USP48: variants seen among roughly 807,000 people sequenced by gnomAD.
The protein encoded by USP48 is ubiquitin specific peptidase 48, also known as ubiquitin carboxyl-terminal hydrolase 48.
Under a neutral mutation model 150.7 loss-of-function variants are expected in USP48, and 43 were observed. The observed-to-expected ratio is 0.29, with a 90% CI of 0.22 to 0.37. USP48 has a LOEUF of 0.37. Ranked by LOEUF, USP48 falls within the 10% of genes least tolerant of loss-of-function variation. The pLI is 1.00. For synonymous variants in USP48, 396 were observed against 425.9 expected (o/e 0.93, Z 0.86); for missense variants, 813 against 1,249.6 (o/e 0.65, Z 5.27).
At chr1:21,701,870 T>C (rs1265416889) in intron 21 of USP48, among the ~76,000 whole-genome samples, 2 of 152,338 alleles carry the variant, frequency 1.3e-5, no homozygotes, top group Middle Eastern at 3.4e-3. Flanking sequence ...CAGTTATTAT[T>C]ATCAGTCTTG....
At chr1:21,693,359 G>A (rs1462880954) in intron 23 of USP48, among the ~76,000 whole-genome samples, 1 of 152,164 alleles carries the variant, frequency 6.6e-6, no homozygotes, top group Non-Finnish European at 1.5e-5. Flanking sequence ...AGGCAAATAG[G>A]CTCACATCTA....
At chr1:21,746,949 C>A in intron 8 of USP48, 118 bp downstream of exon 8, 1 of 722,702 alleles carries the variant, frequency 1.4e-6, no homozygotes, top group African/African-American at 1.8e-5. Context: ...CAGAGGTTCC[C>A]AGAGAGAGAT....
At chr1:21,722,542 G>GAA (rs772860252) in intron 12 of USP48, among the ~76,000 whole-genome samples, 30 of 107,262 alleles carry the variant, frequency 2.8e-4, no homozygotes, top group Admixed American at 3.0e-4. Flanking sequence ...CTGTCTCAGA[G>GAA]AAAAAAAAAA....
intron 1 of USP48, among the ~76,000 whole-genome samples, chr1:21,768,003 C>T (rs919322525): frequency 6.6e-6 from 1 of 152,012 alleles, no homozygotes; most frequent in Non-Finnish European, 1.5e-5. Flanking sequence ...GTCAGGAGAT[C>T]GAGACCATCC....
intron 12 of USP48, among the ~76,000 whole-genome samples, chr1:21,722,553 A>C (rs1571860127): frequency 6.6e-6 from 1 of 151,752 alleles, no homozygotes; most frequent in Non-Finnish European, 1.5e-5. Flanking sequence ...AAAAAAAAAA[A>C]AAAAACAGGG....
At chr1:21,701,786 T>C (rs2097657766) in intron 21 of USP48, among the ~76,000 whole-genome samples, 184 bp from the exon 22 acceptor site, 1 of 152,222 alleles carries the variant, frequency 6.6e-6, no homozygotes, top group Non-Finnish European at 1.5e-5. Context: ...TTTTAACATG[T>C]TAGTTTTTTA....
intron 9 of USP48, among the ~76,000 whole-genome samples, chr1:21,733,726 T>A (rs553107695): frequency 6.6e-6 from 1 of 152,050 alleles, no homozygotes; most frequent in Admixed American, 6.6e-5. Flanking sequence ...AGATAGATTT[T>A]AAAAAAACCC....
chr1:21,682,770 G>A (rs1369204785), intron 25 of USP48, among the ~76,000 whole-genome samples: 1 of 151,904 alleles, frequency 6.6e-6, no homozygotes, highest in Non-Finnish European at 1.5e-5. Context: ...AGCTACTTGG[G>A]AGGCTGAGGC....
Position 21,706,819 on chromosome 1 carries a change from A to C in USP48, c.2013T>G (p.Ala671=). 1 of 1,613,940 alleles carries C rather than the reference A, an allele frequency of 6.2e-7. No homozygotes were observed. Among genetic ancestry groups the C allele is most frequent in the South Asian group, 1.1e-5 (1 of 91,050 alleles). ...GAAAGTACTGCTGCAGTTTGCTCCA[A>C]GCCTCTTTAGAAACAAGCCTTCTTT... The part of the protein sequence containing the change: ...ENERRLVSKE[A]WSKLQQYFPK... Residue 671 remains alanine (A), a synonymous_variant, in exon 16 of 27, where the codon GCT becomes GCG. Coordinates refer to ENST00000308271, the MANE Select transcript of USP48 (RefSeq NM_032236.8).
chr1:21,748,116 A>G (rs2097799961), intron 7 of USP48, 22 bp downstream of exon 7: 2 of 1,607,140 alleles, frequency 1.2e-6, no homozygotes, highest in Admixed American at 3.4e-5. Flanking sequence ...AACAACAAAC[A>G]CTAATATTTG....
At chr1:21,708,670 T>C (rs1422454108) in intron 15 of USP48, among the ~76,000 whole-genome samples, 1 of 151,472 alleles carries the variant, frequency 6.6e-6, no homozygotes, top group East Asian at 1.9e-4. Flanking sequence ...GATCACAAGG[T>C]CAGGAGTTCA....
At chr1:21,695,427 C>T (rs1048395217) in intron 22 of USP48, among the ~76,000 whole-genome samples, 2 of 152,182 alleles carry the variant, frequency 1.3e-5, no homozygotes, top group African/African-American at 4.8e-5. Flanking sequence ...GTAATACACA[C>T]CTCTAAGTGC....
chr1:21,753,027 C>T lies in USP48; in HGVS notation c.505G>A (p.Val169Ile), dbSNP rs1368289533. The T allele has an allele frequency of 6.2e-7, 1 of 1,608,872 alleles. No homozygotes were observed. Among genetic ancestry groups the T allele is most frequent in the South Asian group, 1.1e-5 (1 of 89,686 alleles). Residue 169 changes from valine (V) to isoleucine (I), a missense_variant, in exon 4 of 27, where the codon GTT (valine) becomes ATT (isoleucine). Val to Ile is a conservative substitution (Grantham distance 29). Coordinates refer to ENST00000308271, the MANE Select transcript of USP48 (RefSeq NM_032236.8). ...CCAGTGTCCAGGCCCAAGGCTTTAA[C>T]AAATCCTGATGGATCAATGTATCGC... The part of the protein sequence containing the change: ...NRRYIDPSGF[V>I]KALGLDTGQQ...
chr1:21,765,812 G>A (rs1243749141), intron 1 of USP48, among the ~76,000 whole-genome samples: 1 of 128,074 alleles, frequency 7.8e-6, no homozygotes, highest in Non-Finnish European at 1.8e-5. Flanking sequence ...CCTGAGACAG[G>A]AGAATAGTTT....
chr1:21,757,032 T>C, intron 2 of USP48: 1 of 978,572 alleles, frequency 1.0e-6, no homozygotes, highest in Middle Eastern at 5.3e-4. Context: ...TTATGTTTTC[T>C]GTATTTCTAA....
chr1:21,755,254 T>A (rs923809353), intron 3 of USP48, among the ~76,000 whole-genome samples: 6 of 151,998 alleles, frequency 3.9e-5, no homozygotes, highest in African/African-American at 1.4e-4. Context: ...TGCAAAAGCA[T>A]TGCAGGCCAG....
At chr1:21,730,432 T>C (rs963333260) in intron 9 of USP48, among the ~76,000 whole-genome samples, 7 of 150,566 alleles carry the variant, frequency 4.6e-5, no homozygotes, top group Admixed American at 2.0e-4. Flanking sequence ...AGACTCTGTC[T>C]CATGAAAAAG....
chr1:21,752,080 G>A (rs1452694541), intron 5 of USP48, among the ~76,000 whole-genome samples: 1 of 151,950 alleles, frequency 6.6e-6, no homozygotes, highest in Non-Finnish European at 1.5e-5. Flanking sequence ...ACATTCGTTG[G>A]GAAACTTTCT....
chr1:21,697,659 T>C (rs960871507), intron 22 of USP48, among the ~76,000 whole-genome samples: 2 of 135,846 alleles, frequency 1.5e-5, no homozygotes, highest in African/African-American at 5.5e-5. Context: ...CAAGACTCCA[T>C]CTCAAAAAAA....
Sources: allele counts gnomAD v4.1 joint callset (sites outside exome capture counted in the v4.1 genomes callset), GRCh38; gene constraint gnomAD v4.1.1; transcripts MANE v1.5; gene names NCBI Gene and HGNC (gene_info 2026-07-23, HGNC 2026-07-21).